The following DOCK8 variants were observed in gnomAD, a reference collection of about 807,000 sequenced individuals.
DOCK8 encodes dedicator of cytokinesis protein 8.
A neutral mutation model predicts 245.6 loss-of-function variants in DOCK8; 141 were observed. The observed-to-expected ratio is 0.57, with a 90% confidence interval of 0.50 to 0.66. DOCK8 has a LOEUF of 0.66. Ranked by LOEUF, DOCK8 falls within the 30% of genes least tolerant of loss-of-function variation. The pLI is 0.00. For synonymous variants in DOCK8, 1,168 were observed against 970.2 expected, an observed-to-expected ratio of 1.20 and a Z score of -3.79; for missense variants, 2,965 against 2,603.4, an observed-to-expected ratio of 1.14 and a Z score of -3.02.
intron 37 of DOCK8, among the ~76,000 whole-genome samples, chr9:433,451 T>G (rs993198678): frequency 1.2e-4 from 19 of 152,164 alleles, no homozygotes; most frequent in African/African-American, 4.3e-4. Flanking sequence ...GGTTCTAAAA[T>G]CTCTGAAGCC....
chr9:379,990 C>A, intron 21 of DOCK8, 55 bp downstream of exon 21: 1 of 1,576,242 alleles, frequency 6.3e-7, no homozygotes. Context: ...CACCTCCACC[C>A]CACTGCAGTG....
intron 28 of DOCK8, among the ~76,000 whole-genome samples, chr9:411,699 T>C (rs2055739197): frequency 6.6e-6 from 1 of 151,928 alleles, no homozygotes; most frequent in Non-Finnish European, 1.5e-5. Context: ...CAACAAACAC[T>C]AGCAAACTGA....
chr9:379,465 C>G (rs2053650328), intron 20 of DOCK8, among the ~76,000 whole-genome samples: 1 of 152,160 alleles, frequency 6.6e-6, no homozygotes, highest in South Asian at 2.1e-4. Flanking sequence ...CCGCAGCCCC[C>G]ACTGAGTAGC....
chr9:339,514 GTGTT>G (rs1388973930), intron 13 of DOCK8, among the ~76,000 whole-genome samples: 2 of 151,986 alleles, frequency 1.3e-5, no homozygotes, highest in Non-Finnish European at 2.9e-5. Context: ...AAGCCAGTTT[GTGTT>G]TGTTTTTGTT....
intron 1 of DOCK8, among the ~76,000 whole-genome samples, chr9:246,860 C>T (rs867339004): frequency 2.6e-5 from 4 of 152,136 alleles, no homozygotes; most frequent in African/African-American, 4.8e-5. Flanking sequence ...AACTGATCCT[C>T]CTTTCTCAGC....
intron 32 of DOCK8, among the ~76,000 whole-genome samples, 186 bp downstream of exon 32, chr9:421,264 G>A (rs964987342): frequency 3.3e-5 from 5 of 152,174 alleles, no homozygotes; most frequent in Admixed American, 6.5e-5. Context: ...GAGGGAAAGC[G>A]CTGTTCTACA....
At position 461,058 on chromosome 9, in the gene DOCK8, A is replaced by G. The variant is rs768975243; in HGVS notation, c.6069-2459A>G. Among the ~76,000 whole-genome samples, 24 of 152,316 alleles carry G rather than the reference A, an allele frequency of 1.6e-4. No individual in the cohort carries two copies. The East Asian group carries it at 4.0e-3, about 26-fold the overall frequency. On this transcript the variant is annotated intron_variant, in intron 46 of 47. Transcript: ENST00000432829. The stretch of plus-strand genomic sequence containing the variant: ...AGAAGAGTACAAAACAAAAGGCAAA[A>G]CTTCATCATGTTTAAATAACGTGAT...
At chr9:223,629 T>A (rs977212909) in intron 1 of DOCK8, among the ~76,000 whole-genome samples, 6 of 152,142 alleles carry the variant, frequency 3.9e-5, no homozygotes, top group African/African-American at 1.4e-4. Context: ...AATCTTTTTT[T>A]TTTTTTAGGG....
intron 30 of DOCK8, among the ~76,000 whole-genome samples, chr9:419,421 G>A (rs946748158): frequency 6.6e-6 from 1 of 152,164 alleles, no homozygotes; most frequent in Non-Finnish European, 1.5e-5. Context: ...TTAGCTGCTT[G>A]AGGTGGTATA....
At chr9:238,252 T>G (rs1432382958) in intron 1 of DOCK8, among the ~76,000 whole-genome samples, 2 of 152,174 alleles carry the variant, frequency 1.3e-5, no homozygotes, top group Non-Finnish European at 2.9e-5. Context: ...GCTCCACTGA[T>G]TCCCAGCGAG....
chr9:440,658 A>C (rs1303103339), intron 40 of DOCK8, among the ~76,000 whole-genome samples: 1 of 152,210 alleles, frequency 6.6e-6, no homozygotes, highest in African/African-American at 2.4e-5. Flanking sequence ...TGAAATTTAA[A>C]TATACTAAAA....
intron 14 of DOCK8, among the ~76,000 whole-genome samples, chr9:351,485 C>T (rs146170161): frequency 4.1e-4 from 62 of 152,300 alleles, no homozygotes; most frequent in African/African-American, 1.3e-3. Flanking sequence ...TTACAGCTGC[C>T]CATTGGCAAA....
chr9:347,059 G>T (rs1003325273), intron 14 of DOCK8, among the ~76,000 whole-genome samples: 2 of 152,098 alleles, frequency 1.3e-5, no homozygotes, highest in Non-Finnish European at 2.9e-5. Flanking sequence ...TAAGTGTCCA[G>T]CCCCACCCTG....
chr9:387,633 G>C (rs9650707), intron 23 of DOCK8, among the ~76,000 whole-genome samples: 26,254 of 152,094 alleles, frequency 0.17, 2,754 homozygotes, highest in Middle Eastern at 0.26. Context: ...CTGGTGCTGT[G>C]CACTTTGCAG....
chr9:211,658 A>C (rs2046621538), upstream of DOCK8, among the ~76,000 whole-genome samples: 1 of 152,190 alleles, frequency 6.6e-6, no homozygotes. Context: ...TTAGATCTGA[A>C]GGACACAGGA....
chr9:342,720 G>T (rs572077261), intron 14 of DOCK8, among the ~76,000 whole-genome samples: 1 of 151,936 alleles, frequency 6.6e-6, no homozygotes, highest in Non-Finnish European at 1.5e-5. Flanking sequence ...CACCTGCCTC[G>T]GCCTCCCAAA....
chr9:273,904 C>T (rs188770720), intron 2 of DOCK8, among the ~76,000 whole-genome samples: 14 of 152,080 alleles, frequency 9.2e-5, no homozygotes, highest in Admixed American at 2.0e-4. Context: ...CGGGGTTTCT[C>T]CATGTTGGTA....
In DOCK8 at chr9:464,435, T is replaced by G. The variant is rs1295063971; in HGVS notation, c.*216T>G. The stretch of plus-strand genomic sequence containing the variant: ...TACTGGGGGGTGGCGGGATGGAGGA[T>G]GGGTACTCAGGCATGACTGCGTATT... On this transcript the variant is annotated 3_prime_UTR_variant, in exon 48 of 48. Transcript: ENST00000432829. The G allele has an allele frequency of 6.2e-5, 39 of 628,760 alleles. No individual in the cohort carries two copies. Among genetic ancestry groups the G allele is most frequent in the Non-Finnish European group, 6.5e-5 (23 of 351,584 alleles). 38.9% of individuals were successfully genotyped at this position (628,760 alleles called of 1,614,324 possible). A position where few individuals can be genotyped will look rare whatever the true frequency, so the allele number is the denominator to read the frequency against.
chr9:447,132 C>G (rs1015924209), intron 44 of DOCK8, among the ~76,000 whole-genome samples: 3 of 152,010 alleles, frequency 2.0e-5, no homozygotes, highest in African/African-American at 7.3e-5. Context: ...AAGCTACGTA[C>G]CTTCAGTTTC....
Sources: gnomAD v4.1 joint callset for allele counts (sites outside exome capture counted in the v4.1 genomes callset) on GRCh38, gnomAD v4.1.1 for gene constraint, MANE v1.5 for transcripts, NCBI Gene and HGNC (gene_info 2026-07-23, HGNC 2026-07-21) for gene names.